DNAH5: variants seen among roughly 807,000 people sequenced by gnomAD.
DNAH5 encodes the protein dynein axonemal heavy chain 5.
DNAH5 carries 372 observed loss-of-function variants against 518.2 expected under a neutral mutation model. The ratio of observed to expected loss-of-function variants is 0.72; its 90% CI spans 0.66 to 0.78. The LOEUF (loss-of-function observed/expected upper bound fraction) is 0.78. Ranked by LOEUF, DNAH5 falls within the 30% of genes least tolerant of loss-of-function variation. The pLI is 0.00. For synonymous variants in DNAH5, 2,039 were observed against 2,025.9 expected (o/e 1.01, Z -0.17); for missense variants, 5,523 against 5,687.0 (o/e 0.97, Z 0.93).
rs1476527916 is a variant in DNAH5, at chr5:13,690,795, T to A, written c.*1189A>T. 3.9e-5 allele frequency: 6 copies of A among 152,234 alleles called. No individual in the cohort carries two copies. The highest frequency in any genetic ancestry group is 2.1e-4 in the South Asian group (1 of 4,830). The allele number at this position is 152,234 out of a possible 1,614,324, so 9.4% of individuals were successfully genotyped here. A position where few individuals can be genotyped will look rare whatever the true frequency, so the allele number is the denominator to read the frequency against. On this transcript the variant is annotated 3_prime_UTR_variant, in exon 79 of 79. Coordinates refer to ENST00000265104, the MANE Select transcript of DNAH5 (RefSeq NM_001369.3). ...AAGTTCCTTTGATAATGTTTCCTAA[T>A]TAATAAAAGTCCATAGAAAGTCCCT...
chr5:13,880,570 A>G (rs1224288142), intron 21 of DNAH5, among the ~76,000 whole-genome samples: 1 of 152,090 alleles, frequency 6.6e-6, no homozygotes, highest in East Asian at 1.9e-4. Context: ...GGTGGGGAGT[A>G]AAAGTATAGA....
At chr5:14,011,513 G>T (rs1037684740) in intron 1 of DNAH5, among the ~76,000 whole-genome samples, 5 of 152,124 alleles carry the variant, frequency 3.3e-5, no homozygotes, top group African/African-American at 9.7e-5. Context: ...GAAAACCCCG[G>T]ACCACAAGCC....
intron 75 of DNAH5, among the ~76,000 whole-genome samples, chr5:13,709,019 C>T (rs1197977657): frequency 3.9e-5 from 6 of 152,176 alleles, no homozygotes; most frequent in African/African-American, 9.7e-5. Context: ...CTGTTAGACA[C>T]GAATGACGCC....
chr5:13,760,616 C>T (rs1019001071), intron 60 of DNAH5, among the ~76,000 whole-genome samples: 7 of 152,128 alleles, frequency 4.6e-5, no homozygotes, highest in South Asian at 2.1e-4. Flanking sequence ...TTGCTATTGC[C>T]GCTAATTCAT....
In DNAH5 at chr5:13,931,139, C is replaced by A; in HGVS notation, c.163G>T (p.Val55Leu). The A allele has an allele frequency of 6.2e-7, 1 of 1,614,164 alleles. No individual in the cohort carries two copies. The highest frequency in any genetic ancestry group is 8.5e-7 in the Non-Finnish European group (1 of 1,179,986). ...TTCCCTTCAAGAATGGCATCCTCCACTTCGGTTTTGTTCAGGTCCAAACAG... is the reference window on the plus strand; with the variant it reads ...TTCCCTTCAAGAATGGCATCCTCCAATTCGGTTTTGTTCAGGTCCAAACAG... ...ASCLDLNKTEVEDAILEGNQI... is the reference protein window; with the variant it reads ...ASCLDLNKTELEDAILEGNQI... Residue 55 changes from valine to leucine, a missense_variant, in exon 2 of 79, where the codon GTG becomes TTG. Around this residue, in one of 3 missense-constraint regions of DNAH5, gnomAD observed 5,121 missense variants for 5,223.3 expected, o/e 0.98. Coordinates refer to ENST00000265104, the MANE Select transcript of DNAH5 (RefSeq NM_001369.3).
At chr5:13,756,242 C>T (rs1238048141) in intron 61 of DNAH5, among the ~76,000 whole-genome samples, 1 of 152,170 alleles carries the variant, frequency 6.6e-6, no homozygotes, top group Non-Finnish European at 1.5e-5. Context: ...TTCTGGGAGG[C>T]CCACAAACCC....
At chr5:13,747,208 G>T (rs1365964577) in intron 65 of DNAH5, among the ~76,000 whole-genome samples, 1 of 152,124 alleles carries the variant, frequency 6.6e-6, no homozygotes, top group African/African-American at 2.4e-5. Context: ...TCCCTACAAA[G>T]GACATGAACT....
At chr5:13,919,061 T>C in intron 7 of DNAH5, 115 bp downstream of exon 7, 1 of 1,299,866 alleles carries the variant, frequency 7.7e-7, no homozygotes, top group Admixed American at 1.8e-5. Context: ...TAATTTTAAA[T>C]GTTTTTCATC....
chr5:14,004,842 T>C (rs944032055), intron 1 of DNAH5, among the ~76,000 whole-genome samples: 1 of 152,228 alleles, frequency 6.6e-6, no homozygotes, highest in African/African-American at 2.4e-5. Context: ...TGTGAAATGA[T>C]GGGTTGATCT....
chr5:13,822,695 T>C (rs1477788635), intron 40 of DNAH5, among the ~76,000 whole-genome samples: 1 of 152,236 alleles, frequency 6.6e-6, no homozygotes, highest in Non-Finnish European at 1.5e-5. Flanking sequence ...GTAATTAATT[T>C]TCATTCCTAG....
At chr5:13,900,617 T>C in intron 14 of DNAH5, 1 of 601,202 alleles carries the variant, frequency 1.7e-6, no homozygotes, top group Non-Finnish European at 2.9e-6. Flanking sequence ...TGTTGGGCAG[T>C]CAATTCAATA....
Position 13,735,272 on chromosome 5 carries a change from G to C in DNAH5, c.11620C>G (p.His3874Asp). ...TACTTATAAACCTCGTAGGTCATGT[G>C]CTCGATGATATTAGCAATCCTCTTG... ...TSKRIANIIE[H>D]MTYEVYKYAA... Residue 3874 changes from histidine (H) to aspartate (D), a missense_variant, in exon 68 of 79, where the codon CAC becomes GAC. This residue lies in a region of DNAH5 where 5,121 missense variants were observed against 5,223.3 expected (regional missense o/e 0.98). Coordinates refer to ENST00000265104, the MANE Select transcript of DNAH5 (RefSeq NM_001369.3). The C allele has an allele frequency of 1.2e-6, 2 of 1,614,112 alleles. No individual in the cohort carries two copies. Among genetic ancestry groups the C allele is most frequent in the Non-Finnish European group, 1.7e-6 (2 of 1,180,006 alleles).
chr5:13,764,194 T>G (rs2126752764), intron 59 of DNAH5, among the ~76,000 whole-genome samples: 1 of 152,342 alleles, frequency 6.6e-6, no homozygotes, highest in East Asian at 1.9e-4. Flanking sequence ...AAATCTGCCT[T>G]GGATGTGGGC....
rs1437140414 is a variant in DNAH5 at position 13,809,197 on chromosome 5, C to G, written c.7610-11G>C. On this transcript the variant is annotated splice_polypyrimidine_tract_variant and intron_variant, in intron 45 of 78. Coordinates refer to ENST00000265104, the MANE Select transcript of DNAH5 (RefSeq NM_001369.3). ...AGTGCGTCCATGTACCTAAGGTGAG[C>G]AGAGGACATTTCCATCTCCATATTA... is the stretch of plus-strand genomic sequence containing the variant. The G allele has an allele frequency of 3.1e-6, 5 of 1,613,808 alleles. No homozygotes were observed. The Admixed American group carries it at 8.3e-5, about 27-fold the overall frequency.
chr5:13,863,065 A>G (rs1295236809), intron 28 of DNAH5, among the ~76,000 whole-genome samples: 1 of 152,180 alleles, frequency 6.6e-6, no homozygotes, highest in Non-Finnish European at 1.5e-5. Flanking sequence ...AACTTTAATC[A>G]CTGATTCAAA....
At chr5:13,770,105 T>C (rs1753128595) in intron 56 of DNAH5, among the ~76,000 whole-genome samples, 1 of 152,092 alleles carries the variant, frequency 6.6e-6, no homozygotes, top group Non-Finnish European at 1.5e-5. Flanking sequence ...AACGTGACCA[T>C]AGAGATGGGA....
At position 13,778,496 on chromosome 5, in the gene DNAH5, AAGGG is replaced by A. The variant is rs1199880080; in HGVS notation, c.8952-1145_8952-1142del. Among the ~76,000 whole-genome samples the A allele has an allele frequency of 1.5e-3, 131 of 84,810 alleles. 2 individuals carry two copies. Among genetic ancestry groups the A allele is most frequent in the East Asian group, 4.4e-3 (11 of 2,482 alleles). The allele number at this position is 84,810 out of a possible 152,430, so 55.6% of individuals were successfully genotyped here. Reference sequence around the variant, plus strand: ...GAAGGAAAGAAGGAAGGAAGGAAGGAAGGGAGGGAGGGAGGGAGGGGAGAGAAAG... The same window carrying A: ...GAAGGAAAGAAGGAAGGAAGGAAGGAAGGGAGGGAGGGAGGGGAGAGAAAG... On this transcript the variant is annotated intron_variant, in intron 53 of 78. Transcript: ENST00000265104.
chr5:13,899,524 G>A (rs1390324415), intron 15 of DNAH5: 1 of 152,290 alleles, frequency 6.6e-6, no homozygotes, highest in Admixed American at 6.5e-5. Flanking sequence ...ACTGCCACTT[G>A]GCTGTCTAAA....
At chr5:13,717,239 A>C (rs1408552988) in intron 73 of DNAH5, 76 bp downstream of exon 73, 1 of 1,357,094 alleles carries the variant, frequency 7.4e-7, no homozygotes, top group Non-Finnish European at 1.0e-6. Context: ...ATTTACGCCA[A>C]AGCTAGGAGG....
Sources: gnomAD v4.1 joint callset for allele counts (sites outside exome capture counted in the v4.1 genomes callset) on GRCh38, gnomAD v4.1.1 for gene constraint, gnomAD v4.1.1 regional missense constraint, MANE v1.5 for transcripts, NCBI Gene and HGNC (gene_info 2026-07-23, HGNC 2026-07-21) for gene names.